SAMD12: variants seen among roughly 807,000 people sequenced by gnomAD.
SAMD12 encodes sterile alpha motif domain containing 12.
In SAMD12, 9 loss-of-function variants were observed where a neutral mutation model predicts 15.0. The observed-to-expected ratio is 0.60, with a 90% CI of 0.36 to 1.05. SAMD12 has a LOEUF of 1.05. Among genes scored for constraint, SAMD12 ranks in the 50% least tolerant of loss-of-function variants. The pLI is 0.01. For synonymous variants in SAMD12, 86 were observed against 90.1 expected, an observed-to-expected ratio of 0.96 and a Z score of 0.25; for missense variants, 230 against 234.2, an observed-to-expected ratio of 0.98 and a Z score of 0.12.
the SAMD12 span, among the ~76,000 whole-genome samples, chr8:118,151,479 C>G: frequency 6.6e-6 from 1 of 152,010 alleles, no homozygotes; most frequent in Non-Finnish European, 1.5e-5. Context: ...TAAAAATAAA[C>G]AGCAATCATA....
chr8:118,318,355 T>A (rs58783663), intron 4 of SAMD12, among the ~76,000 whole-genome samples: 1 of 110,842 alleles, frequency 9.0e-6, no homozygotes, highest in East Asian at 2.6e-4. Context: ...TATATATATA[T>A]ACATATATAC....
intron 3 of SAMD12, among the ~76,000 whole-genome samples, chr8:118,434,416 G>C: frequency 6.6e-6 from 1 of 152,144 alleles, no homozygotes; most frequent in South Asian, 2.1e-4. Context: ...ATTCAAAGCA[G>C]CTTTTAAAAA....
rs571889869 is a variant in SAMD12, at chr8:118,370,598, G to A, written c.433+8962C>T. Among the ~76,000 whole-genome samples the A allele has an allele frequency of 3.4e-3, 521 of 152,272 alleles. 5 individuals carry two copies. Among genetic ancestry groups the A allele is most frequent in the African/African-American group, 0.012 (493 of 41,544 alleles). ...GTACATATACACCATGGAATACTATGCAGACATAAAAAGGAATGAGATAAT... is the reference window on the plus strand; with the variant it reads ...GTACATATACACCATGGAATACTATACAGACATAAAAAGGAATGAGATAAT... On this transcript the variant is annotated intron_variant, in intron 4 of 4. Transcript: ENST00000409003.
downstream of SAMD12, among the ~76,000 whole-genome samples, chr8:118,184,742 C>G (rs1024562762): frequency 6.6e-6 from 1 of 152,172 alleles, no homozygotes; most frequent in African/African-American, 2.4e-5. Context: ...GGTGATCCAC[C>G]TGCCTCAGGC....
intron 4 of SAMD12, among the ~76,000 whole-genome samples, chr8:118,275,007 T>C (rs1813439844): frequency 6.6e-6 from 1 of 152,188 alleles, no homozygotes; most frequent in Non-Finnish European, 1.5e-5. Flanking sequence ...TATTATGCTA[T>C]GTTGTGATAG....
chr8:118,487,213 G>A, intron 2 of SAMD12, among the ~76,000 whole-genome samples: 1 of 152,144 alleles, frequency 6.6e-6, no homozygotes, highest in East Asian at 1.9e-4. Context: ...GGGTGTCAGT[G>A]GCTATAGGTT....
chr8:118,512,860 G>A (rs1825124536), intron 2 of SAMD12, among the ~76,000 whole-genome samples: 2 of 152,030 alleles, frequency 1.3e-5, no homozygotes, highest in South Asian at 4.1e-4. Flanking sequence ...CATTTTCTCT[G>A]TGACGCTTTT....
chr8:118,194,922 A>G (rs567704949), exon 5 of SAMD12: 1 of 152,302 alleles, frequency 6.6e-6, no homozygotes, highest in Admixed American at 6.5e-5. Context: ...ATCCCCCACA[A>G]TGATTTCAAA....
chr8:118,550,209 T>G (rs1309422247), intron 2 of SAMD12, among the ~76,000 whole-genome samples: 1 of 151,864 alleles, frequency 6.6e-6, no homozygotes, highest in Admixed American at 6.6e-5. Flanking sequence ...GAAGAGCAAC[T>G]CCAAGACACA....
At position 118,385,792 on chromosome 8, in the gene SAMD12, A is replaced by G. The variant is rs535376878; in HGVS notation, c.323-6092T>C. On this transcript the variant is annotated intron_variant, in intron 3 of 3. Coordinates refer to ENST00000314727, the MANE Select transcript of SAMD12 (RefSeq NM_207506.3). Reference sequence around the variant, plus strand: ...CATAAAGGTAATCTTCTTTACCACAAATTGATGCTCTCAAGACTACTAAAT... The same window carrying G: ...CATAAAGGTAATCTTCTTTACCACAGATTGATGCTCTCAAGACTACTAAAT... Among the ~76,000 whole-genome samples, 12 of 152,276 alleles carry G rather than the reference A, an allele frequency of 7.9e-5. No individual in the cohort carries two copies. The South Asian group carries it at 1.2e-3, about 16-fold the overall frequency.
intron 2 of SAMD12, among the ~76,000 whole-genome samples, chr8:118,579,110 T>G (rs182425180): frequency 6.6e-6 from 1 of 152,324 alleles, no homozygotes; most frequent in Admixed American, 6.5e-5. Flanking sequence ...AGTCAAATTT[T>G]GTATATTACC....
chr8:118,470,811 A>G (rs1586743760), intron 2 of SAMD12, among the ~76,000 whole-genome samples: 1 of 152,314 alleles, frequency 6.6e-6, no homozygotes, highest in African/African-American at 2.4e-5. Flanking sequence ...CTCCCTCTAA[A>G]GAGTTCTTGT....
chr8:118,205,594 G>A (rs1187299181), intron 4 of SAMD12, among the ~76,000 whole-genome samples: 1 of 152,222 alleles, frequency 6.6e-6, no homozygotes, highest in African/African-American at 2.4e-5. Flanking sequence ...AATGTTAAGC[G>A]AGAAATACAA....
exon 5 of SAMD12, chr8:118,196,731 T>C (rs1447610189): frequency 6.6e-6 from 1 of 152,202 alleles, no homozygotes; most frequent in African/African-American, 2.4e-5. Context: ...CACAAAAGAA[T>C]TGCATTCTGT....
At chr8:118,311,519 T>A (rs1227272228) in intron 4 of SAMD12, among the ~76,000 whole-genome samples, 3 of 152,170 alleles carry the variant, frequency 2.0e-5, no homozygotes, top group African/African-American at 7.2e-5. Context: ...GTTTAGAGCA[T>A]CTCTGTAACA....
chr8:118,235,204 G>A (rs1812400344), intron 4 of SAMD12, among the ~76,000 whole-genome samples: 3 of 151,492 alleles, frequency 2.0e-5, no homozygotes. Flanking sequence ...AAATACATAT[G>A]ATTATTATAA....
At chr8:118,368,646 T>C (rs966441108) in intron 4 of SAMD12, among the ~76,000 whole-genome samples, 6 of 152,326 alleles carry the variant, frequency 3.9e-5, no homozygotes, top group African/African-American at 1.4e-4. Context: ...GCTACGTTTA[T>C]TTTCTTGTGA....
At chr8:118,549,027 G>A (rs1407560338) in intron 2 of SAMD12, among the ~76,000 whole-genome samples, 1 of 152,266 alleles carries the variant, frequency 6.6e-6, no homozygotes, top group Non-Finnish European at 1.5e-5. Context: ...CAGCCAGGAA[G>A]CTGGAACTGG....
chr8:118,472,615 T>C (rs58139037), intron 2 of SAMD12, among the ~76,000 whole-genome samples: 3,384 of 151,768 alleles, frequency 0.022, 119 homozygotes, highest in African/African-American at 0.078. Context: ...TTTGAGGATA[T>C]AGTGAGTGAT....
Sources: gnomAD v4.1 joint callset for allele counts (sites outside exome capture counted in the v4.1 genomes callset) on GRCh38, gnomAD v4.1.1 for gene constraint, MANE v1.5 for transcripts, NCBI Gene and HGNC (gene_info 2026-07-23, HGNC 2026-07-21) for gene names.